The following LETM2 variants were observed in gnomAD, a reference collection of about 807,000 sequenced individuals.
LETM2 encodes leucine zipper and EF-hand containing transmembrane protein 2.
In LETM2, 58 loss-of-function variants were observed where a neutral mutation model predicts 59.6. The ratio of observed to expected loss-of-function variants is 0.97; its 90% CI spans 0.79 to 1.21. The LOEUF is 1.21. Ranked by LOEUF, LETM2 falls within the 50% of genes most tolerant of loss-of-function variation. LETM2 has a pLI of 0.00. For synonymous variants in LETM2, 199 were observed against 214.1 expected, an observed-to-expected ratio of 0.93 and a Z score of 0.62; for missense variants, 572 against 575.7, an observed-to-expected ratio of 0.99 and a Z score of 0.07.
chr8:38,408,003 C>A (rs1813869688), intron 10 of LETM2: 2 of 512,806 alleles, frequency 3.9e-6, no homozygotes, highest in African/African-American at 3.9e-5. Flanking sequence ...TATGAAGACA[C>A]AGATGGGGTA....
chr8:38,403,881 C>CA (rs946269613), intron 7 of LETM2, among the ~76,000 whole-genome samples: 2 of 152,138 alleles, frequency 1.3e-5, no homozygotes, highest in Non-Finnish European at 2.9e-5. Context: ...CTTAAGAAGA[C>CA]AGAGTCTCAC....
At position 38,398,720 on chromosome 8, in the gene LETM2, CT is replaced by C. The variant is rs869232263; in HGVS notation, c.646-1532del. 2.7e-3 allele frequency among the ~76,000 whole-genome samples: 311 copies of C among 115,820 alleles called. 1 individual carries two copies. The highest frequency in any genetic ancestry group is 6.0e-3 in the African/African-American group (187 of 31,078). The allele number at this position is 115,820 out of a possible 152,430, so 76.0% of individuals were successfully genotyped here. A position where few individuals can be genotyped will look rare whatever the true frequency, so the allele number is the denominator to read the frequency against. ...AATGAAATGGATGACTAAGTGGGTT[CT>C]TTTTTTTTTTTTTTTTTTTGAGACA... On this transcript the variant is annotated intron_variant, in intron 4 of 10. Coordinates refer to ENST00000379957, the MANE Select transcript of LETM2 (RefSeq NM_001286819.2).
At chr8:38,394,606 T>C (rs1812543631) in intron 4 of LETM2, among the ~76,000 whole-genome samples, 1 of 151,752 alleles carries the variant, frequency 6.6e-6, no homozygotes, top group Admixed American at 6.6e-5. Flanking sequence ...CTTTGGGAGG[T>C]TGAGGCAGGT....
rs141615949 is a variant in LETM2, at chr8:38,402,177, A to G, written c.985-348A>G. Among the ~76,000 whole-genome samples, 56 of 152,320 alleles carry G rather than the reference A, an allele frequency of 3.7e-4. No homozygotes were observed. In the East Asian group the frequency reaches 0.01, roughly 28 times the overall value. On this transcript the variant is annotated intron_variant, in intron 6 of 10. Coordinates refer to ENST00000379957, the MANE Select transcript of LETM2 (RefSeq NM_001286819.2). ...GACATGCAACAAATGGTACATTGTG[A>G]GCTTTTCAAGTGAACTACTTTTTTC...
At chr8:38,398,043 G>A (rs890378396) in intron 4 of LETM2, among the ~76,000 whole-genome samples, 1 of 151,808 alleles carries the variant, frequency 6.6e-6, no homozygotes, top group Non-Finnish European at 1.5e-5. Context: ...CAGAGGCTGA[G>A]GCAGAAGAAT....
chr8:38,390,364 G>A (rs940201801), intron 2 of LETM2, among the ~76,000 whole-genome samples: 4 of 151,932 alleles, frequency 2.6e-5, no homozygotes, highest in African/African-American at 9.7e-5. Flanking sequence ...GCTCACACCT[G>A]TAATCCCAGC....
chr8:38,392,928 A>G lies in LETM2; in HGVS notation c.434A>G (p.Lys145Arg), dbSNP rs773162729. 1 of 1,612,502 alleles carries G rather than the reference A, an allele frequency of 6.2e-7. No individual in the cohort carries two copies. The highest frequency in any genetic ancestry group is 2.2e-5 in the East Asian group (1 of 44,890). Reference sequence around the variant, plus strand: ...TTCTACTTACTTTGGATTGACGCCAAAGTTGCTGCCAGAATGGTTTGGAGG... The same window carrying G: ...TTCTACTTACTTTGGATTGACGCCAGAGTTGCTGCCAGAATGGTTTGGAGG... The part of the protein sequence containing the change: ...NGFYLLWIDA[K>R]VAARMVWRLL... Residue 145 changes from lysine (K) to arginine (R), a missense_variant, in exon 3 of 11, where the codon AAA (lysine) becomes AGA (arginine). Coordinates refer to ENST00000379957, the MANE Select transcript of LETM2 (RefSeq NM_001286819.2).
At chr8:38,394,069 G>A in intron 3 of LETM2, 29 bp from the exon 4 acceptor site, 1 of 1,395,338 alleles carries the variant, frequency 7.2e-7, no homozygotes. Flanking sequence ...CTAAAATAAT[G>A]AATATTGCAT....
chr8:38,407,736 G>A (rs963738563), intron 10 of LETM2, among the ~76,000 whole-genome samples: 1 of 152,190 alleles, frequency 6.6e-6, no homozygotes, highest in African/African-American at 2.4e-5. Context: ...TATGTGCCAG[G>A]TGGAAATAGT....
Position 38,408,676 on chromosome 8 carries a change from AC to A in LETM2, c.*404del, listed in dbSNP as rs1471004294. ...GAGTAAGAACTTGGAAGTTCCAAAA[AC>A]CATTTTAGGAGCACCTGATTAACTT... On this transcript the variant is annotated 3_prime_UTR_variant, in exon 11 of 11. Transcript: ENST00000379957. 1 of 164,142 alleles carries A rather than the reference AC, an allele frequency of 6.1e-6. No individual in the cohort carries two copies. Among genetic ancestry groups the A allele is most frequent in the Non-Finnish European group, 1.3e-5 (1 of 74,964 alleles). 10.2% of individuals were successfully genotyped at this position (164,142 alleles called of 1,614,324 possible).
At chr8:38,402,676 C>A (rs892178058) in intron 7 of LETM2, 32 bp downstream of exon 7, 1 of 1,610,358 alleles carries the variant, frequency 6.2e-7, no homozygotes, top group Non-Finnish European at 8.5e-7. Context: ...GGGTCCTCTT[C>A]CCTAGAACTC....
intron 7 of LETM2, 94 bp downstream of exon 7, chr8:38,402,738 C>A: frequency 7.5e-7 from 1 of 1,327,082 alleles, no homozygotes; most frequent in Non-Finnish European, 1.1e-6. Context: ...GCAAGTGAAC[C>A]GTCTTACTTA....
At chr8:38,400,659 A>G in intron 5 of LETM2, 194 bp from the exon 6 acceptor site, 1 of 665,724 alleles carries the variant, frequency 1.5e-6, no homozygotes, top group South Asian at 2.0e-5. Flanking sequence ...TTAGAGTCAA[A>G]CTTCCAAACT....
intron 2 of LETM2, among the ~76,000 whole-genome samples, chr8:38,390,441 G>C (rs1177013450): frequency 2.0e-5 from 3 of 151,616 alleles, no homozygotes; most frequent in African/African-American, 7.3e-5. Context: ...TGCCAACATG[G>C]TGAAACCCCG....
In LETM2 at chr8:38,407,045, C is replaced by T. The variant is rs1813780385; in HGVS notation, c.1311+7C>T. 1 of 1,547,540 alleles carries T rather than the reference C, an allele frequency of 6.5e-7. No homozygotes were observed. Among genetic ancestry groups the T allele is most frequent in the African/African-American group, 1.4e-5 (1 of 73,438 alleles). On this transcript the variant is annotated splice_region_variant and intron_variant, in intron 9 of 10. Transcript: ENST00000379957. ...TCAACTGAAGGGAACTAAGGTTAGA[C>T]AGTTACTTTCCATTTGGTTAATTAG...
chr8:38,397,996 C>T (rs1347463887), intron 4 of LETM2, among the ~76,000 whole-genome samples: 1 of 152,008 alleles, frequency 6.6e-6, no homozygotes, highest in Non-Finnish European at 1.5e-5. Flanking sequence ...AAAAATTAGC[C>T]TGGCATGGTG....
Position 38,392,735 on chromosome 8 carries a change from A to T in LETM2, c.241A>T (p.Thr81Ser). 6.2e-7 allele frequency: 1 copy of T among 1,614,216 alleles called. No individual in the cohort carries two copies. The highest frequency in any genetic ancestry group is 8.5e-7 in the Non-Finnish European group (1 of 1,180,050). The change falls in exon 3 of 11, where the codon ACT becomes TCT. Residue 81 changes from threonine (T) to serine (S), a missense_variant. Coordinates refer to ENST00000379957, the MANE Select transcript of LETM2 (RefSeq NM_001286819.2). Reference protein sequence around the residue: ...TRLIQKLHTSTCWLQEVPGKP... With the variant: ...TRLIQKLHTSSCWLQEVPGKP... ...ACTAATACAAAAGCTACACACATCC[A>T]CTTGCTGGCTGCAAGAAGTTCCTGG...
rs1812515445 is a variant in LETM2, at chr8:38,394,263, A to G, written c.645+22A>G. 3.6e-6 allele frequency: 5 copies of G among 1,379,320 alleles called. No homozygotes were observed. In the Admixed American group the frequency reaches 8.9e-5, roughly 24 times the overall value. The allele number at this position is 1,379,320 out of a possible 1,614,324, so 85.4% of individuals were successfully genotyped here. A position where few individuals can be genotyped will look rare whatever the true frequency, so the allele number is the denominator to read the frequency against. ...AAAGGTATGATTTTTTAACTTTAAT[A>G]AAATTTAATAAACCTTATTAGAGGA... On this transcript the variant is annotated intron_variant, in intron 4 of 10. Transcript: ENST00000379957.
At chr8:38,407,132 A>C (rs1017241676) in intron 9 of LETM2, 94 bp downstream of exon 9, 5 of 796,418 alleles carry the variant, frequency 6.3e-6, no homozygotes, top group Non-Finnish European at 1.1e-5. Context: ...AATGAAATTG[A>C]AATTCAATAC....
Sources: allele counts gnomAD v4.1 joint callset (sites outside exome capture counted in the v4.1 genomes callset), GRCh38; gene constraint gnomAD v4.1.1; transcripts MANE v1.5; gene names NCBI Gene and HGNC (gene_info 2026-07-23, HGNC 2026-07-21).